PMVK: variants seen among roughly 807,000 people sequenced by gnomAD.
The protein encoded by PMVK is testis tissue sperm-binding protein Li 95mP.
Under a neutral mutation model 19.0 loss-of-function variants are expected in PMVK, and 10 were observed. The ratio of observed to expected loss-of-function variants is 0.53; its 90% confidence interval spans 0.32 to 0.89. PMVK has a LOEUF of 0.89. Ranked by LOEUF, PMVK falls within the 40% of genes least tolerant of loss-of-function variation. The pLI is 0.03. For missense variants in PMVK, 222 were observed against 251.1 expected, an observed-to-expected ratio of 0.88 and a Z score of 0.78; for synonymous variants, 108 against 101.6, an observed-to-expected ratio of 1.06 and a Z score of -0.38.
At chr1:154,935,364 C>T (rs1656255664) in intron 1 of PMVK, among the ~76,000 whole-genome samples, 1 of 152,140 alleles carries the variant, frequency 6.6e-6, no homozygotes, top group Non-Finnish European at 1.5e-5. Context: ...ACCACACTGG[C>T]CTTCAAGAGG....
Position 154,925,141 on chromosome 1 carries a change from G to C in PMVK, c.567C>G (p.Arg189=), listed in dbSNP as rs1183431784. The part of the protein sequence containing the change: ...EQLENLIEFI[R]SRL ...TAGAACCTAGTGACTAAAGTCTGGAGCGGATAAATTCTATCAGGTTCTCCA... is the reference window on the plus strand; with the variant it reads ...TAGAACCTAGTGACTAAAGTCTGGACCGGATAAATTCTATCAGGTTCTCCA... The change falls in exon 5 of 5, where the codon CGC becomes CGG. Residue 189 remains arginine, a synonymous_variant. Coordinates refer to ENST00000368467, the MANE Select transcript of PMVK (RefSeq NM_006556.4). The C allele has an allele frequency of 6.2e-7, 1 of 1,612,328 alleles. No individual in the cohort carries two copies. Among genetic ancestry groups the C allele is most frequent in the Admixed American group, 1.7e-5 (1 of 59,836 alleles).
the PMVK span, among the ~76,000 whole-genome samples, chr1:154,942,160 C>A: frequency 6.6e-6 from 1 of 152,168 alleles, no homozygotes; most frequent in African/African-American, 2.4e-5. Flanking sequence ...TTGGGGAGCT[C>A]CCAGCGGAAA....
At chr1:154,934,692 T>C (rs547364148) in intron 1 of PMVK, among the ~76,000 whole-genome samples, 1 of 152,274 alleles carries the variant, frequency 6.6e-6, no homozygotes, top group Non-Finnish European at 1.5e-5. Flanking sequence ...ATAATTATTC[T>C]AAGCCCTTCA....
intron 1 of PMVK, among the ~76,000 whole-genome samples, chr1:154,935,020 G>C (rs1423948499): frequency 1.4e-5 from 2 of 147,436 alleles, no homozygotes; most frequent in African/African-American, 5.0e-5. Flanking sequence ...CGCAACCTGG[G>C]TGCGCTCCAG....
At chr1:154,938,077 GTTAT>G (rs991806792), upstream of PMVK, 6 of 152,212 alleles carry the variant, frequency 3.9e-5, no homozygotes, top group African/African-American at 1.4e-4. Flanking sequence ...GTAAGGGGTT[GTTAT>G]TTATTCTTAG....
At chr1:154,925,398 C>T (rs943764723) in intron 4 of PMVK, 133 bp from the exon 5 acceptor site, 1 of 877,274 alleles carries the variant, frequency 1.1e-6, no homozygotes, top group Non-Finnish European at 1.8e-6. Flanking sequence ...GCTACCCACC[C>T]AGAAGGCACC....
At chr1:154,932,240 C>T in intron 2 of PMVK, 112 bp downstream of exon 2, 1 of 788,822 alleles carries the variant, frequency 1.3e-6, no homozygotes, top group South Asian at 1.4e-5. Flanking sequence ...TGGCCACCAC[C>T]CTGCCAGCAG....
chr1:154,925,053 G>T lies in PMVK; in HGVS notation c.*76C>A. The T allele has an allele frequency of 7.5e-7, 1 of 1,330,846 alleles. No individual in the cohort carries two copies. Among genetic ancestry groups the T allele is most frequent in the East Asian group, 3.1e-5 (1 of 32,098 alleles). The allele number at this position is 1,330,846 out of a possible 1,614,324, so 82.4% of individuals were successfully genotyped here. ...TCTGTTCCTCACCTCGGCCAGGATCGGGGGACACCCCCATTTTGCAGAGTC... is the reference window on the plus strand; with the variant it reads ...TCTGTTCCTCACCTCGGCCAGGATCTGGGGACACCCCCATTTTGCAGAGTC... On this transcript the variant is annotated 3_prime_UTR_variant, in exon 5 of 5. Transcript: ENST00000368467.
intron 3 of PMVK, 92 bp from the exon 4 acceptor site, chr1:154,926,575 T>TA: frequency 8.9e-7 from 1 of 1,122,690 alleles, no homozygotes; most frequent in Non-Finnish European, 1.3e-6. Context: ...CAGTGTGGGG[T>TA]GTGGCTCTAC....
Position 154,925,279 on chromosome 1 carries a change from A to C in PMVK, c.443-14T>G. The C allele has an allele frequency of 1.2e-6, 2 of 1,614,008 alleles. No homozygotes were observed. Among genetic ancestry groups the C allele is most frequent in the Non-Finnish European group, 1.7e-6 (2 of 1,179,880 alleles). Reference sequence around the variant, plus strand: ...CATCGTCCACCCCTATGAAGGAAGCATGGTGAGGTCAGGCCTCAGCCCTCC... The same window carrying C: ...CATCGTCCACCCCTATGAAGGAAGCCTGGTGAGGTCAGGCCTCAGCCCTCC... On this transcript the variant is annotated splice_polypyrimidine_tract_variant and intron_variant, in intron 4 of 4. Coordinates refer to ENST00000368467, the MANE Select transcript of PMVK (RefSeq NM_006556.4).
Position 154,926,568 on chromosome 1 carries a change from T to C in PMVK, c.313-85A>G. 4 of 1,246,482 alleles carry C rather than the reference T, an allele frequency of 3.2e-6. No individual in the cohort carries two copies. In the East Asian group the frequency reaches 9.6e-5, roughly 30 times the overall value. 77.2% of individuals were successfully genotyped at this position (1,246,482 alleles called of 1,614,324 possible). ...GGGAGGACTACAGAACCCAGGGCAG[T>C]GTGGGGTGTGGCTCTACCCCCCCAT... On this transcript the variant is annotated intron_variant, in intron 3 of 4. Transcript: ENST00000368467.
upstream of PMVK, chr1:154,937,937 C>T (rs1654563430): frequency 6.6e-6 from 1 of 152,050 alleles, no homozygotes; most frequent in Non-Finnish European, 1.5e-5. Context: ...CCAGCTTGGA[C>T]ACTTAGCAAG....
At chr1:154,941,444 T>C (rs186352485), upstream of PMVK, among the ~76,000 whole-genome samples, 2 of 152,214 alleles carry the variant, frequency 1.3e-5, no homozygotes, top group East Asian at 3.9e-4. Context: ...GCAACAGCCC[T>C]CCACACCCCT....
At chr1:154,926,265 C>T (rs987163474) in intron 4 of PMVK, 89 bp downstream of exon 4, 15 of 1,273,950 alleles carry the variant, frequency 1.2e-5, no homozygotes, top group Non-Finnish European at 1.5e-5. Context: ...TTTATCATCC[C>T]TTATTCACTT....
At chr1:154,929,303 T>C (rs544620390) in intron 2 of PMVK, 127 bp from the exon 3 acceptor site, 129 of 814,072 alleles carry the variant, frequency 1.6e-4, no homozygotes, top group Non-Finnish European at 5.9e-6. Flanking sequence ...TTAATGAGGT[T>C]TCAGCCAGGA....
At chr1:154,936,982 C>T (rs1271471782), upstream of PMVK, 12 of 344,268 alleles carry the variant, frequency 3.5e-5, no homozygotes, top group East Asian at 6.4e-4. Flanking sequence ...CAGCCCCGCC[C>T]AGAACCTTCG....
rs1558031798 is a variant in PMVK at position 154,932,384 on chromosome 1, G to C, written c.127C>G (p.Leu43Val). 6.2e-7 allele frequency: 1 copy of C among 1,613,316 alleles called. No individual in the cohort carries two copies. Among genetic ancestry groups the C allele is most frequent in the East Asian group, 2.2e-5 (1 of 44,822 alleles). Residue 43 changes from leucine to valine, a missense_variant, in exon 2 of 5, where the codon CTC (leucine) becomes GTC (valine). Leu to Val is a conservative substitution (Grantham distance 32, BLOSUM62 1). Transcript: ENST00000368467. ...TACTGTTCCTTGAGTGGACCAGAGA[G>C]CCGGAGGACAGCACAGACATCAGCT... The part of the protein sequence containing the change: ...LGADVCAVLR[L>V]SGPLKEQYAQ...
At chr1:154,932,449 T>C in intron 1 of PMVK, 34 bp from the exon 2 acceptor site, 1 of 1,527,368 alleles carries the variant, frequency 6.5e-7, no homozygotes, top group Non-Finnish European at 8.9e-7. Flanking sequence ...CCAGTTAGCC[T>C]AGAATTTCCA....
Position 154,927,448 on chromosome 1 carries a change from CAAAAAAAAAAAAAAA to C in PMVK, c.313-980_313-966del, listed in dbSNP as rs59872946. On this transcript the variant is annotated intron_variant, in intron 3 of 4. Transcript: ENST00000368467. ...TGGTGACAAGAGTGAGACTCTGTCTCAAAAAAAAAAAAAAAAAAAAAAAAAAAACACAGGAAAGTC... is the reference window on the plus strand; with the variant it reads ...TGGTGACAAGAGTGAGACTCTGTCTCAAAAAAAAAAAAACACAGGAAAGTC... Among the ~76,000 whole-genome samples the C allele has an allele frequency of 4.8e-4, 17 of 35,542 alleles. No individual in the cohort carries two copies. In the East Asian group the frequency reaches 0.02, roughly 42 times the overall value. 23.3% of individuals were successfully genotyped at this position (35,542 alleles called of 152,430 possible).
Sources: allele counts gnomAD v4.1 joint callset (sites outside exome capture counted in the v4.1 genomes callset), GRCh38; gene constraint gnomAD v4.1.1; transcripts MANE v1.5; gene names NCBI Gene and HGNC (gene_info 2026-07-23, HGNC 2026-07-21).